Variants in NSRP1 observed in about 807,000 individuals in gnomAD.
NSRP1 encodes nuclear speckle splicing regulatory protein 1.
A neutral mutation model predicts 54.7 loss-of-function variants in NSRP1; 24 were observed. The observed-to-expected ratio is 0.44, with a 90% CI of 0.32 to 0.62. The LOEUF (loss-of-function observed/expected upper bound fraction) is 0.62. Among genes scored for constraint, NSRP1 ranks in the 20% least tolerant of loss-of-function variants. The probability of loss-of-function intolerance (pLI) is 0.06; values close to 1 mark genes in which losing one functional copy is unlikely to be tolerated. For synonymous variants in NSRP1, 210 were observed against 213.8 expected (o/e 0.98, Z 0.15); for missense variants, 596 against 651.2 (o/e 0.92, Z 0.92).
At chr17:30,171,766 C>T (rs1274522411) in intron 2 of NSRP1, among the ~76,000 whole-genome samples, 1 of 152,020 alleles carries the variant, frequency 6.6e-6, no homozygotes, top group African/African-American at 2.4e-5. Flanking sequence ...TTGATTATTG[C>T]CACGAATAGT....
At chr17:30,179,747 A>G (rs1293700729) in intron 5 of NSRP1, among the ~76,000 whole-genome samples, 1 of 152,246 alleles carries the variant, frequency 6.6e-6, no homozygotes, top group Non-Finnish European at 1.5e-5. Flanking sequence ...TGAAGAAAGA[A>G]TAAAAATTGG....
At chr17:30,178,295 T>G in intron 4 of NSRP1, 96 bp downstream of exon 4, 2 of 1,389,766 alleles carry the variant, frequency 1.4e-6, no homozygotes, top group Non-Finnish European at 1.9e-6. Context: ...AAAAAGCTTT[T>G]AGGTATGTGA....
intron 2 of NSRP1, among the ~76,000 whole-genome samples, chr17:30,158,360 A>G (rs895543845): frequency 7.4e-6 from 1 of 134,294 alleles, no homozygotes; most frequent in African/African-American, 2.8e-5. Flanking sequence ...TATATTCTGG[A>G]TATTAGTCAC....
chr17:30,149,765 G>C (rs2143003372), intron 2 of NSRP1, among the ~76,000 whole-genome samples: 1 of 148,648 alleles, frequency 6.7e-6, no homozygotes, highest in African/African-American at 2.5e-5. Flanking sequence ...AGCCCAGGAG[G>C]TCAAGGCTGC....
intron 2 of NSRP1, among the ~76,000 whole-genome samples, chr17:30,127,345 A>G (rs2151878011): frequency 6.6e-6 from 1 of 152,342 alleles, no homozygotes; most frequent in Middle Eastern, 3.4e-3. Context: ...AAACAATGGT[A>G]TACTTGTGAA....
At chr17:30,146,555 C>T (rs1331541989) in intron 2 of NSRP1, among the ~76,000 whole-genome samples, 1 of 151,958 alleles carries the variant, frequency 6.6e-6, no homozygotes, top group Admixed American at 6.6e-5. Flanking sequence ...ATTTTTTACC[C>T]CATTAATGTC....
Position 30,181,424 on chromosome 17 carries a change from AG to A in NSRP1, c.617+409del, listed in dbSNP as rs1215670748. On this transcript the variant is annotated intron_variant, in intron 6 of 6. Transcript: ENST00000247026. The stretch of plus-strand genomic sequence containing the variant: ...TTTTTTTTTTTTTTTTTTGAGGCAG[AG>A]TCTCACTCTGTCGCCTAGGGTGGAT... Among the ~76,000 whole-genome samples, 3 of 138,038 alleles carry A rather than the reference AG, an allele frequency of 2.2e-5. No individual in the cohort carries two copies. In the East Asian group the frequency reaches 6.4e-4, roughly 29 times the overall value. 90.6% of individuals were successfully genotyped at this position (138,038 alleles called of 152,430 possible).
intron 3 of NSRP1, among the ~76,000 whole-genome samples, chr17:30,176,834 T>C (rs1905143867): frequency 6.6e-6 from 1 of 152,198 alleles, no homozygotes; most frequent in African/African-American, 2.4e-5. Flanking sequence ...AACAATATTC[T>C]AGAAAAAAAG....
Position 30,122,190 on chromosome 17 carries a change from A to C in NSRP1, c.114+4017A>C, listed in dbSNP as rs570059480. On this transcript the variant is annotated intron_variant, in intron 2 of 6. Coordinates refer to ENST00000247026, the MANE Select transcript of NSRP1 (RefSeq NM_032141.4). Reference sequence around the variant, plus strand: ...TGTATGAATGTACCATATTTTATCTATCAGTGGTAGGCATTTGGGTTTTTC... The same window carrying C: ...TGTATGAATGTACCATATTTTATCTCTCAGTGGTAGGCATTTGGGTTTTTC... Among the ~76,000 whole-genome samples the C allele has an allele frequency of 2.0e-5, 3 of 150,878 alleles. No homozygotes were observed. In the East Asian group the frequency reaches 5.9e-4, roughly 30 times the overall value.
chr17:30,130,346 G>A (rs145526772), intron 2 of NSRP1, among the ~76,000 whole-genome samples: 9 of 152,152 alleles, frequency 5.9e-5, no homozygotes, highest in African/African-American at 1.9e-4. Context: ...TGATCCTCCT[G>A]CCTCAGCCTC....
intron 2 of NSRP1, chr17:30,125,929 G>A (rs1298337766): frequency 2.6e-5 from 4 of 152,090 alleles, no homozygotes; most frequent in Non-Finnish European, 5.9e-5. Context: ...TGGTTGGGGG[G>A]GTGGTGAAAG....
intron 3 of NSRP1, among the ~76,000 whole-genome samples, chr17:30,173,165 T>A (rs1251338586): frequency 2.0e-5 from 3 of 152,136 alleles, no homozygotes; most frequent in Non-Finnish European, 4.4e-5. Flanking sequence ...GGTTTCACCG[T>A]GTTGGTCAGG....
intron 2 of NSRP1, chr17:30,168,239 A>T (rs1340105585): frequency 6.6e-6 from 1 of 152,194 alleles, no homozygotes; most frequent in Admixed American, 6.5e-5. Context: ...TAACAATTAA[A>T]GGTGACTTCT....
rs180705291 is a variant in NSRP1 at position 30,141,811 on chromosome 17, C to T, written c.114+23638C>T. 2.6e-5 allele frequency among the ~76,000 whole-genome samples: 4 copies of T among 151,986 alleles called. No homozygotes were observed. In the East Asian group the frequency reaches 5.8e-4, roughly 22 times the overall value. On this transcript the variant is annotated intron_variant, in intron 2 of 6. Coordinates refer to ENST00000247026, the MANE Select transcript of NSRP1 (RefSeq NM_032141.4). Reference sequence around the variant, plus strand: ...TGAGCTCAGGAGTTCAAGACCAGCCCGGGCAATGTGGTGAAACCTCGTCTC... The same window carrying T: ...TGAGCTCAGGAGTTCAAGACCAGCCTGGGCAATGTGGTGAAACCTCGTCTC...
At position 30,185,618 on chromosome 17, in the gene NSRP1, G is replaced by T. The variant is rs776908088; in HGVS notation, c.1621G>T (p.Ala541Ser). ...AATGTCAGCTAGAGACAGGTACTTG[G>T]CCAGGCAGATGGCGCGGGTTAATGC... ...TVMSARDRYL[A>S]RQMARVNAKT... The change falls in exon 7 of 7, where the codon GCC (alanine) becomes TCC (serine). Residue 541 changes from alanine to serine, a missense_variant. Physicochemically the swap from Ala to Ser is moderately conservative, Grantham distance 99. Coordinates refer to ENST00000247026, the MANE Select transcript of NSRP1 (RefSeq NM_032141.4). 1 of 1,613,072 alleles carries T rather than the reference G, an allele frequency of 6.2e-7. No homozygotes were observed. Among genetic ancestry groups the T allele is most frequent in the Non-Finnish European group, 8.5e-7 (1 of 1,179,764 alleles).
intron 2 of NSRP1, among the ~76,000 whole-genome samples, chr17:30,125,316 T>G (rs1486245751): frequency 6.6e-6 from 1 of 152,244 alleles, no homozygotes; most frequent in Non-Finnish European, 1.5e-5. Context: ...AGAAGAAAGA[T>G]AATTTCTTAT....
At chr17:30,144,834 TTTC>T (rs1241874982) in intron 2 of NSRP1, 2 of 152,166 alleles carry the variant, frequency 1.3e-5, no homozygotes. Context: ...ACAAAGCTCT[TTTC>T]TTCTTTATTA....
chr17:30,123,306 C>CG (rs1195536422), intron 2 of NSRP1, among the ~76,000 whole-genome samples: 1 of 151,268 alleles, frequency 6.6e-6, no homozygotes, highest in Non-Finnish European at 1.5e-5. Flanking sequence ...TTAGTAGAGA[C>CG]GGGGTTTCAC....
chr17:30,122,830 C>T (rs1301493560), intron 2 of NSRP1, among the ~76,000 whole-genome samples: 1 of 152,000 alleles, frequency 6.6e-6, no homozygotes, highest in Non-Finnish European at 1.5e-5. Context: ...TTATTGTAGC[C>T]ATATAGAAGG....
Sources: gnomAD v4.1 joint callset for allele counts (sites outside exome capture counted in the v4.1 genomes callset) on GRCh38, gnomAD v4.1.1 for gene constraint, MANE v1.5 for transcripts, NCBI Gene and HGNC (gene_info 2026-07-23, HGNC 2026-07-21) for gene names.